The following ZCCHC17 variants were observed in gnomAD, a reference collection of about 807,000 sequenced individuals.
The protein encoded by ZCCHC17 is zinc finger CCHC domain-containing protein 17.
ZCCHC17 carries 18 observed loss-of-function variants against 30.6 expected under a neutral mutation model. That is an observed-to-expected ratio of 0.59 (90% CI 0.41 to 0.87). The LOEUF (loss-of-function observed/expected upper bound fraction) is 0.87, where lower values mean the gene tolerates loss of function less well. Ranked by LOEUF, ZCCHC17 falls within the 40% of genes least tolerant of loss-of-function variation. ZCCHC17 has a pLI of 0.00. For synonymous variants in ZCCHC17, 88 were observed against 92.4 expected (o/e 0.95, Z 0.27); for missense variants, 263 against 284.2 (o/e 0.93, Z 0.54).
At chr1:31,348,688 T>C in intron 6 of ZCCHC17, 141 bp from the exon 7 acceptor site, 1 of 1,008,098 alleles carries the variant, frequency 9.9e-7, no homozygotes, top group South Asian at 1.5e-5. Flanking sequence ...AAATCTACCC[T>C]GAATCAAACA....
chr1:31,364,085 A>G lies in ZCCHC17; in HGVS notation c.618A>G (p.Ser206=). 6.2e-7 allele frequency: 1 copy of G among 1,613,890 alleles called. No homozygotes were observed. The highest frequency in any genetic ancestry group is 8.5e-7 in the Non-Finnish European group (1 of 1,179,870). ...RDRKSSDSDS[S]DSESDTGKRA... ...GGAAGTCATCTGACTCTGACAGCTCAGACTCTGAGAGTGATACAGGCAAGA... is the reference window on the plus strand; with the variant it reads ...GGAAGTCATCTGACTCTGACAGCTCGGACTCTGAGAGTGATACAGGCAAGA... The change falls in exon 8 of 8, where the codon TCA becomes TCG. Residue 206 remains serine, a synonymous_variant. Transcript: ENST00000344147.
chr1:31,341,421 G>A (rs1375883403), intron 5 of ZCCHC17, among the ~76,000 whole-genome samples: 1 of 152,072 alleles, frequency 6.6e-6, no homozygotes, highest in Non-Finnish European at 1.5e-5. Flanking sequence ...ATTTCCCAAA[G>A]CCACCCTTAC....
intron 7 of ZCCHC17, among the ~76,000 whole-genome samples, chr1:31,362,455 C>T (rs1639944038): frequency 1.3e-5 from 2 of 152,220 alleles, no homozygotes; most frequent in Admixed American, 6.5e-5. Context: ...TTAAAATCTG[C>T]TCATACTGCC....
intron 4 of ZCCHC17, 132 bp downstream of exon 4, chr1:31,337,407 A>C: frequency 1.3e-6 from 1 of 769,060 alleles, no homozygotes; most frequent in African/African-American, 1.8e-5. Context: ...CTGCCATTAG[A>C]ATCTATTCTG....
Position 31,339,010 on chromosome 1 carries a change from G to A in ZCCHC17, c.279G>A (p.Gly93=). ...TCTCCATGAAGGTTGTCAATCAAGG[G>A]ACTGGGAAAGACCTTGATCCCAACA... The part of the protein sequence containing the change: ...VSLSMKVVNQ[G]TGKDLDPNNV... Residue 93 remains glycine (G), a synonymous_variant, in exon 5 of 8, where the codon GGG becomes GGA. Transcript: ENST00000344147. The A allele has an allele frequency of 6.2e-7, 1 of 1,612,646 alleles. No individual in the cohort carries two copies. The highest frequency in any genetic ancestry group is 1.3e-5 in the African/African-American group (1 of 74,958).
chr1:31,312,614 G>A (rs1646632317), intron 2 of ZCCHC17, among the ~76,000 whole-genome samples: 1 of 152,014 alleles, frequency 6.6e-6, no homozygotes. Context: ...CTCTTCCATA[G>A]AATTACTGTG....
At chr1:31,337,860 T>C (rs1486612053) in intron 4 of ZCCHC17, among the ~76,000 whole-genome samples, 1 of 152,204 alleles carries the variant, frequency 6.6e-6, no homozygotes, top group African/African-American at 2.4e-5. Flanking sequence ...AGAACTATTA[T>C]TCAACAATAT....
chr1:31,320,268 G>C (rs1441619491), intron 3 of ZCCHC17, among the ~76,000 whole-genome samples: 1 of 152,048 alleles, frequency 6.6e-6, no homozygotes, highest in Non-Finnish European at 1.5e-5. Context: ...AATCTCAAAA[G>C]GTTATACACT....
intron 7 of ZCCHC17, among the ~76,000 whole-genome samples, chr1:31,362,141 T>G (rs1046850145): frequency 6.6e-6 from 1 of 152,058 alleles, no homozygotes; most frequent in Non-Finnish European, 1.5e-5. Flanking sequence ...CAGTTTACAT[T>G]TGAAGGGAAC....
At chr1:31,335,603 C>T (rs1296945455) in intron 3 of ZCCHC17, among the ~76,000 whole-genome samples, 1 of 152,128 alleles carries the variant, frequency 6.6e-6, no homozygotes, top group African/African-American at 2.4e-5. Flanking sequence ...GTCTTGAATA[C>T]CTGGGCTCAA....
Position 31,337,174 on chromosome 1 carries a change from G to A in ZCCHC17, c.125-1G>A. On this transcript the variant is annotated splice_acceptor_variant, in intron 3 of 7. Transcript: ENST00000344147. LOFTEE classifies it high-confidence loss of function. ...ACGTTATTTCTTCTTCTTGTGCCCA[G>A]GTCTGGTCCATCGAACTCATATGTC... The A allele has an allele frequency of 6.2e-7, 1 of 1,613,668 alleles. No individual in the cohort carries two copies. The highest frequency in any genetic ancestry group is 8.5e-7 in the Non-Finnish European group (1 of 1,179,742).
chr1:31,357,287 C>A (rs1328519027), intron 7 of ZCCHC17, among the ~76,000 whole-genome samples: 1 of 151,830 alleles, frequency 6.6e-6, no homozygotes, highest in Non-Finnish European at 1.5e-5. Flanking sequence ...GGGACACATT[C>A]TCTGCCTATT....
chr1:31,327,899 A>T (rs6676354), intron 3 of ZCCHC17, among the ~76,000 whole-genome samples: 82,394 of 151,810 alleles, frequency 0.54, 23,251 homozygotes, highest in Non-Finnish European at 0.62. Flanking sequence ...GCTGAGTACT[A>T]CTGTAATGGG....
At chr1:31,333,936 C>T (rs187460296) in intron 3 of ZCCHC17, among the ~76,000 whole-genome samples, 1 of 152,278 alleles carries the variant, frequency 6.6e-6, no homozygotes, top group Admixed American at 6.5e-5. Context: ...CAGTAGAGGA[C>T]AGTTGCAGCC....
chr1:31,330,127 G>C (rs992254511), intron 3 of ZCCHC17, among the ~76,000 whole-genome samples: 1 of 152,184 alleles, frequency 6.6e-6, no homozygotes, highest in African/African-American at 2.4e-5. Flanking sequence ...GGCTGCAGCT[G>C]TCCTCTAATG....
intron 3 of ZCCHC17, among the ~76,000 whole-genome samples, chr1:31,319,468 G>A (rs182671111): frequency 2.8e-4 from 43 of 152,170 alleles, no homozygotes; most frequent in Admixed American, 5.9e-4. Context: ...CAGGATTTGC[G>A]GGAGGGCAAG....
chr1:31,346,865 G>GT (rs1040317304), intron 6 of ZCCHC17, 125 bp downstream of exon 6: 5 of 1,522,640 alleles, frequency 3.3e-6, no homozygotes, highest in African/African-American at 2.8e-5. Context: ...GGCCTTTGCT[G>GT]TTTTTTCCAC....
chr1:31,323,811 T>A lies in ZCCHC17; in HGVS notation c.124+4645T>A, dbSNP rs548399089. Among the ~76,000 whole-genome samples, 3 of 152,364 alleles carry A rather than the reference T, an allele frequency of 2.0e-5. No individual in the cohort carries two copies. The South Asian group carries it at 6.2e-4, about 32-fold the overall frequency. On this transcript the variant is annotated intron_variant, in intron 3 of 7. Transcript: ENST00000344147. ...CAGTGTTAGAAATGGATACTTTTAC[T>A]CTCTATCAGGAGCATAATTTCACAG...
intron 3 of ZCCHC17, among the ~76,000 whole-genome samples, chr1:31,320,402 A>G (rs1646833886): frequency 6.6e-6 from 1 of 152,216 alleles, no homozygotes; most frequent in South Asian, 2.1e-4. Context: ...TTTTGTGACC[A>G]TCACCACGAT....
Sources: gnomAD v4.1 joint callset for allele counts (sites outside exome capture counted in the v4.1 genomes callset) on GRCh38, gnomAD v4.1.1 for gene constraint, MANE v1.5 for transcripts, NCBI Gene and HGNC (gene_info 2026-07-23, HGNC 2026-07-21) for gene names.